RALGPS1: variants seen among roughly 807,000 people sequenced by gnomAD.
RALGPS1 encodes ras-specific guanine nucleotide-releasing factor RalGPS1.
In RALGPS1, 19 loss-of-function variants were observed where a neutral mutation model predicts 78.8. That is an observed-to-expected ratio of 0.24 (90% CI 0.17 to 0.35). The LOEUF (loss-of-function observed/expected upper bound fraction) is 0.35. Among genes scored for constraint, RALGPS1 ranks in the 10% least tolerant of loss-of-function variants. The pLI is 1.00. For missense variants in RALGPS1, 454 were observed against 688.3 expected (o/e 0.66, Z 3.81); for synonymous variants, 228 against 256.3 (o/e 0.89, Z 1.06).
At chr9:126,920,166 T>G (rs569890980) in intron 1 of RALGPS1, among the ~76,000 whole-genome samples, 1 of 152,260 alleles carries the variant, frequency 6.6e-6, no homozygotes, top group South Asian at 2.1e-4. Context: ...AGGCTCTTGT[T>G]GAATAGTGTG....
intron 4 of RALGPS1, among the ~76,000 whole-genome samples, chr9:126,979,136 G>A (rs2040968084): frequency 6.6e-6 from 1 of 152,148 alleles, no homozygotes; most frequent in Non-Finnish European, 1.5e-5. Context: ...CAAGCCTTCC[G>A]AGAGCTGGCA....
chr9:127,129,084 C>G (rs758891616), intron 8 of RALGPS1, among the ~76,000 whole-genome samples: 2 of 152,148 alleles, frequency 1.3e-5, no homozygotes, highest in African/African-American at 4.8e-5. Context: ...CAGAGTTGGG[C>G]TCTAGGTCAA....
intron 8 of RALGPS1, among the ~76,000 whole-genome samples, chr9:127,071,035 C>CTATATA (rs1157387008): frequency 1.6e-4 from 19 of 121,804 alleles, no homozygotes; most frequent in African/African-American, 5.1e-4. Context: ...CTCTCTCTCT[C>CTATATA]TCTCTATATA....
chr9:127,147,248 G>A (rs546739529), intron 8 of RALGPS1, among the ~76,000 whole-genome samples: 2 of 152,168 alleles, frequency 1.3e-5, no homozygotes, highest in East Asian at 3.9e-4. Context: ...TTATTGATTT[G>A]CTTAGGTTTC....
chr9:127,147,898 C>T (rs1180417726), intron 8 of RALGPS1, among the ~76,000 whole-genome samples: 1 of 152,140 alleles, frequency 6.6e-6, no homozygotes. Context: ...AACAGCCTTG[C>T]AAGGTTGGAG....
chr9:127,050,769 A>G (rs1247403461), intron 6 of RALGPS1, among the ~76,000 whole-genome samples: 4 of 151,612 alleles, frequency 2.6e-5, no homozygotes, highest in African/African-American at 9.7e-5. Context: ...CTCCCCATAC[A>G]CTGGTTTCAA....
Position 127,218,671 on chromosome 9 carries a change from T to C in RALGPS1, c.1645-69T>C, listed in dbSNP as rs375497751. ...ACGGGGAAAGGCCTGTCCCTTCCCCTAGGGACCACCACCCCTTGTCCTTCT... is the reference window on the plus strand; with the variant it reads ...ACGGGGAAAGGCCTGTCCCTTCCCCCAGGGACCACCACCCCTTGTCCTTCT... On this transcript the variant is annotated intron_variant, in intron 18 of 18. Coordinates refer to ENST00000259351, the MANE Select transcript of RALGPS1 (RefSeq NM_014636.3). The surrounding 1 kb of genome is among the most constrained non-coding windows in gnomAD (Gnocchi z 4.4). 504 of 1,526,212 alleles carry C rather than the reference T, an allele frequency of 3.3e-4. 2 individuals are homozygous for C. In the African/African-American group the frequency reaches 6.4e-3, roughly 19 times the overall value. 94.5% of individuals were successfully genotyped at this position (1,526,212 alleles called of 1,614,324 possible). A position where few individuals can be genotyped will look rare whatever the true frequency, so the allele number is the denominator to read the frequency against.
chr9:127,099,402 C>G (rs2053495578), intron 8 of RALGPS1, among the ~76,000 whole-genome samples: 1 of 152,198 alleles, frequency 6.6e-6, no homozygotes, highest in African/African-American at 2.4e-5. Context: ...TTACCACTCC[C>G]TGAAACATTT....
At chr9:127,026,870 C>T (rs149453388) in intron 4 of RALGPS1, among the ~76,000 whole-genome samples, 4 of 152,310 alleles carry the variant, frequency 2.6e-5, no homozygotes, top group African/African-American at 4.8e-5. Flanking sequence ...CAAAACGAGG[C>T]GACCTTTATT....
intron 11 of RALGPS1, chr9:127,184,032 A>G (rs536420888): frequency 8.6e-5 from 133 of 1,548,920 alleles, no homozygotes; most frequent in Admixed American, 1.2e-4. Flanking sequence ...AATCTAAGAA[A>G]TGATCAAGGT....
At chr9:127,175,883 C>G (rs2059841818) in intron 11 of RALGPS1, among the ~76,000 whole-genome samples, 2 of 152,112 alleles carry the variant, frequency 1.3e-5, no homozygotes, top group African/African-American at 4.8e-5. Flanking sequence ...AAGCCACTCT[C>G]CCCACTCTCT....
chr9:127,160,150 G>A (rs1309417096), intron 8 of RALGPS1, among the ~76,000 whole-genome samples: 1 of 152,196 alleles, frequency 6.6e-6, no homozygotes, highest in Admixed American at 6.5e-5. Flanking sequence ...CCAGCCGTGG[G>A]CTTTGGCTTG....
intron 4 of RALGPS1, among the ~76,000 whole-genome samples, chr9:126,989,315 G>C (rs909423945): frequency 1.3e-5 from 2 of 152,188 alleles, no homozygotes; most frequent in Non-Finnish European, 2.9e-5. Context: ...CCAGAAGTGA[G>C]AAGTTTAGTG....
intron 8 of RALGPS1, chr9:127,088,948 G>C (rs769396686): frequency 1.2e-6 from 2 of 1,614,210 alleles, no homozygotes; most frequent in Non-Finnish European, 1.7e-6. Flanking sequence ...CTTAGTGGAA[G>C]GTGTTGGGGT....
chr9:127,015,448 T>TTTA (rs1004234277), intron 4 of RALGPS1, among the ~76,000 whole-genome samples: 1 of 152,076 alleles, frequency 6.6e-6, no homozygotes, highest in African/African-American at 2.4e-5. Context: ...GTTATTAGTG[T>TTTA]TTATTATTAT....
intron 5 of RALGPS1, among the ~76,000 whole-genome samples, chr9:127,042,851 G>A (rs1439504260): frequency 6.6e-6 from 1 of 152,130 alleles, no homozygotes; most frequent in Non-Finnish European, 1.5e-5. Flanking sequence ...GTATACAAGA[G>A]TCAATTGATT....
intron 8 of RALGPS1, among the ~76,000 whole-genome samples, chr9:127,101,146 T>C (rs890755744): frequency 1.3e-5 from 2 of 152,220 alleles, no homozygotes; most frequent in African/African-American, 4.8e-5. Context: ...CCCAAAATGC[T>C]TTGTATATTT....
At chr9:127,103,377 C>T (rs1442492129) in intron 8 of RALGPS1, among the ~76,000 whole-genome samples, 2 of 152,156 alleles carry the variant, frequency 1.3e-5, no homozygotes, top group Non-Finnish European at 2.9e-5. Context: ...ATGTGGGGAC[C>T]TCCTCATGTG....
At chr9:126,975,751 C>T (rs1312125018) in intron 3 of RALGPS1, among the ~76,000 whole-genome samples, 1 of 152,150 alleles carries the variant, frequency 6.6e-6, no homozygotes, top group South Asian at 2.1e-4. Context: ...CACTCAACAC[C>T]CAGATTATGA....
Sources: gnomAD v4.1 joint callset for allele counts (sites outside exome capture counted in the v4.1 genomes callset) on GRCh38, gnomAD v4.1.1 for gene constraint, Gnocchi (gnomAD v3.1) non-coding constraint, MANE v1.5 for transcripts, NCBI Gene and HGNC (gene_info 2026-07-23, HGNC 2026-07-21) for gene names.